Variants in ME1 observed in about 807,000 individuals in gnomAD.
ME1 encodes NADP-dependent malic enzyme.
In ME1, 74 loss-of-function variants were observed where a neutral mutation model predicts 66.4. The ratio of observed to expected loss-of-function variants is 1.11; its 90% CI spans 0.92 to 1.35. The LOEUF (loss-of-function observed/expected upper bound fraction) is 1.35. ME1 is among the 40% of genes most tolerant of loss of function. ME1 has a pLI of 0.00. For missense variants in ME1, 750 were observed against 694.1 expected (o/e 1.08, Z -0.90); for synonymous variants, 251 against 235.6 (o/e 1.07, Z -0.60).
chr6:83,287,686 G>T (rs1205846473), intron 6 of ME1, among the ~76,000 whole-genome samples: 1 of 152,164 alleles, frequency 6.6e-6, no homozygotes, highest in Non-Finnish European at 1.5e-5. Context: ...GGAAAGCTGG[G>T]TCAAATGGTA....
intron 6 of ME1, among the ~76,000 whole-genome samples, chr6:83,290,463 T>C (rs193250980): frequency 1.3e-5 from 2 of 152,332 alleles, no homozygotes; most frequent in African/African-American, 4.8e-5. Flanking sequence ...AACCCTGAGT[T>C]CTAATTTGAT....
At position 83,398,462 on chromosome 6, in the gene ME1, C is replaced by G; in HGVS notation, c.267G>C (p.Val89=). 6.3e-7 allele frequency: 1 copy of G among 1,589,534 alleles called. No homozygotes were observed. Among genetic ancestry groups the G allele is most frequent in the South Asian group, 1.1e-5 (1 of 88,596 alleles). Residue 89 remains valine, a synonymous_variant, in exon 3 of 14, where the codon GTG becomes GTC. Transcript: ENST00000369705. ...QDRNEKLFYR[V]LTSDIEKFMP... ...TGAATTTCTCAATGTCAGATGTCAG[C>G]ACTCTATAAAAGAGTTTTTCATTTC...
At chr6:83,376,493 C>CAA (rs60227281) in intron 3 of ME1, among the ~76,000 whole-genome samples, 7 of 118,260 alleles carry the variant, frequency 5.9e-5, no homozygotes, top group African/African-American at 1.3e-4. Flanking sequence ...GAAACTCTGT[C>CAA]AAAAAAAAAA....
Position 83,398,396 on chromosome 6 carries a change from T to C in ME1, c.333A>G (p.Gln111=). Residue 111 remains glutamine (Q), a synonymous_variant, in exon 3 of 14, where the codon CAA becomes CAG. Coordinates refer to ENST00000369705, the MANE Select transcript of ME1 (RefSeq NM_002395.6). The part of the protein sequence containing the change: ...VYTPTVGLAC[Q]QYSLVFRKPR... ...GCTTCCGAAACACCAAACTATATTG[T>C]TGGCAAGCCAGACCCACAGTGGGAG... is the stretch of plus-strand genomic sequence containing the variant. 6.3e-7 allele frequency: 1 copy of C among 1,591,270 alleles called. No homozygotes were observed. The highest frequency in any genetic ancestry group is 8.5e-7 in the Non-Finnish European group (1 of 1,171,410).
chr6:83,333,535 C>T (rs1768456863), intron 5 of ME1, among the ~76,000 whole-genome samples: 2 of 152,110 alleles, frequency 1.3e-5, no homozygotes, highest in Non-Finnish European at 2.9e-5. Flanking sequence ...ATTCTTCACA[C>T]ACATTATGAG....
chr6:83,250,103 T>C (rs1203820792), intron 7 of ME1, among the ~76,000 whole-genome samples: 1 of 152,168 alleles, frequency 6.6e-6, no homozygotes, highest in East Asian at 1.9e-4. Context: ...GAATCTGCAA[T>C]GTCTGCTGAC....
At chr6:83,257,127 C>T (rs140398314) in intron 6 of ME1, among the ~76,000 whole-genome samples, 3,487 of 151,654 alleles carry the variant, frequency 0.023, 72 homozygotes, top group Middle Eastern at 0.058. Flanking sequence ...ACCACCATGG[C>T]GCATGTATAC....
At chr6:83,238,186 A>G (rs1488656722) in intron 8 of ME1, among the ~76,000 whole-genome samples, 1 of 152,182 alleles carries the variant, frequency 6.6e-6, no homozygotes, top group Non-Finnish European at 1.5e-5. Flanking sequence ...GAATTTGAAG[A>G]AAGAAGCTTG....
At chr6:83,257,228 C>T (rs1211272874) in intron 6 of ME1, among the ~76,000 whole-genome samples, 2 of 151,466 alleles carry the variant, frequency 1.3e-5, no homozygotes, top group East Asian at 3.9e-4. Flanking sequence ...AAAATTAAGA[C>T]ATCTTTAGAT....
chr6:83,388,482 A>T (rs1381269537), intron 3 of ME1, among the ~76,000 whole-genome samples: 1 of 152,166 alleles, frequency 6.6e-6, no homozygotes, highest in Non-Finnish European at 1.5e-5. Flanking sequence ...TGAGAGTTAA[A>T]ATTATACCAG....
At position 83,376,804 on chromosome 6, in the gene ME1, C is replaced by CAAAAAAAA. The variant is rs70987750; in HGVS notation, c.362+21555_362+21562dup. ...GGCGACAGAACCAGACCCTGTCTCA[C>CAAAAAAAA]AAAAAAAAAAAAAAAATTCAAAAAA... On this transcript the variant is annotated intron_variant, in intron 3 of 13. Transcript: ENST00000369705. 6.1e-4 allele frequency among the ~76,000 whole-genome samples: 53 copies of CAAAAAAAA among 87,128 alleles called. 1 individual carries two copies. The highest frequency in any genetic ancestry group is 2.3e-3 in the South Asian group (6 of 2,656). The allele number at this position is 87,128 out of a possible 152,430, so 57.2% of individuals were successfully genotyped here.
At chr6:83,237,631 A>C in intron 9 of ME1, 86 bp downstream of exon 9, 1 of 635,492 alleles carries the variant, frequency 1.6e-6, no homozygotes, top group Non-Finnish European at 2.7e-6. Flanking sequence ...GTGTAAAGGG[A>C]GGTGGTAGAA....
At chr6:83,389,800 C>G (rs901275207) in intron 3 of ME1, among the ~76,000 whole-genome samples, 1 of 152,072 alleles carries the variant, frequency 6.6e-6, no homozygotes, top group African/African-American at 2.4e-5. Context: ...AAAATTGTCT[C>G]TAGCTTCCAA....
intron 7 of ME1, among the ~76,000 whole-genome samples, chr6:83,242,580 AG>A (rs1343320234): frequency 6.6e-6 from 1 of 152,192 alleles, no homozygotes; most frequent in African/African-American, 2.4e-5. Flanking sequence ...CACAATGAGT[AG>A]GAAAAGCATA....
intron 6 of ME1, among the ~76,000 whole-genome samples, chr6:83,296,660 T>G (rs146089384): frequency 6.6e-6 from 1 of 152,250 alleles, no homozygotes; most frequent in Non-Finnish European, 1.5e-5. Flanking sequence ...ATTGGAAGTC[T>G]TGTCCACAGC....
intron 6 of ME1, among the ~76,000 whole-genome samples, chr6:83,254,229 T>C (rs754266828): frequency 5.3e-5 from 8 of 152,162 alleles, no homozygotes; most frequent in Non-Finnish European, 1.0e-4. Context: ...AGAAAAATTG[T>C]TTAAAAAATG....
intron 7 of ME1, among the ~76,000 whole-genome samples, chr6:83,252,870 C>A (rs1043598450): frequency 2.0e-5 from 3 of 152,064 alleles, no homozygotes; most frequent in African/African-American, 7.2e-5. Context: ...TGGAAGCCAA[C>A]AGAAAAGAGT....
intron 1 of ME1, among the ~76,000 whole-genome samples, chr6:83,415,836 AT>A (rs1453221471): frequency 6.6e-6 from 1 of 152,064 alleles, no homozygotes; most frequent in Non-Finnish European, 1.5e-5. Flanking sequence ...GTTTATGGGG[AT>A]TTTTTAAAGT....
chr6:83,212,142 C>A, intron 13 of ME1, 48 bp from the exon 14 acceptor site: 1 of 1,383,740 alleles, frequency 7.2e-7, no homozygotes, highest in Non-Finnish European at 9.8e-7. Flanking sequence ...TAGAGGTAAT[C>A]ATGAGCCCAT....
Sources: gnomAD v4.1 joint callset for allele counts (sites outside exome capture counted in the v4.1 genomes callset) on GRCh38, gnomAD v4.1.1 for gene constraint, MANE v1.5 for transcripts, NCBI Gene and HGNC (gene_info 2026-07-23, HGNC 2026-07-21) for gene names.